The following ZFHX3 variants were observed in gnomAD, a reference collection of about 807,000 sequenced individuals.
ZFHX3 encodes zinc finger homeobox protein 3.
ZFHX3 carries 42 observed loss-of-function variants against 279.1 expected under a neutral mutation model. That is an observed-to-expected ratio of 0.15 (90% CI 0.12 to 0.19). ZFHX3 has a LOEUF of 0.19. Ranked by LOEUF, ZFHX3 falls within the 10% of genes least tolerant of loss-of-function variation. The pLI is 1.00. For missense variants in ZFHX3, 4,981 were observed against 4,754.0 expected (o/e 1.05, Z -1.40); for synonymous variants, 2,293 against 1,957.8 (o/e 1.17, Z -4.52).
intron 9 of ZFHX3, among the ~76,000 whole-genome samples, chr16:72,792,870 A>G (rs2035760049): frequency 6.6e-6 from 1 of 152,242 alleles, no homozygotes; most frequent in Non-Finnish European, 1.5e-5. Flanking sequence ...AGAATTAGCT[A>G]GGACTAACTC....
intron 1 of ZFHX3, among the ~76,000 whole-genome samples, chr16:73,020,540 C>T (rs1367525812): frequency 1.3e-5 from 2 of 152,310 alleles, no homozygotes; most frequent in Non-Finnish European, 2.9e-5. Flanking sequence ...TGGGACAAAC[C>T]ACTGTGTAGC....
intron 3 of ZFHX3, among the ~76,000 whole-genome samples, chr16:72,934,396 C>A (rs549130254): frequency 3.9e-5 from 6 of 152,270 alleles, no homozygotes; most frequent in Admixed American, 1.3e-4. Context: ...CCATTGCATT[C>A]CTGCCTGGGT....
chr16:73,647,374 G>A (rs941411909), intron 2 of ZFHX3, among the ~76,000 whole-genome samples: 2 of 152,196 alleles, frequency 1.3e-5, no homozygotes, highest in African/African-American at 2.4e-5. Context: ...GTGGTGAGAG[G>A]TGGCTGGATC....
At chr16:72,894,543 C>T (rs1453773122) in intron 3 of ZFHX3, among the ~76,000 whole-genome samples, 1 of 152,176 alleles carries the variant, frequency 6.6e-6, no homozygotes, top group Non-Finnish European at 1.5e-5. Context: ...TGCTAAGAGG[C>T]CCATGAGCAC....
intron 5 of ZFHX3, among the ~76,000 whole-genome samples, chr16:73,241,720 G>A (rs1442579035): frequency 6.6e-6 from 1 of 150,854 alleles, no homozygotes; most frequent in South Asian, 2.1e-4. Context: ...AACCCAGGAG[G>A]CGGAGGTTGC....
At chr16:73,008,601 G>A (rs917067174) in intron 1 of ZFHX3, among the ~76,000 whole-genome samples, 2 of 152,288 alleles carry the variant, frequency 1.3e-5, no homozygotes, top group Admixed American at 1.3e-4. Flanking sequence ...AGGAGAGAGG[G>A]AAGAGGATGT....
At chr16:73,812,904 T>A (rs544272511) in intron 1 of ZFHX3, among the ~76,000 whole-genome samples, 1 of 152,290 alleles carries the variant, frequency 6.6e-6, no homozygotes, top group East Asian at 1.9e-4. Context: ...ACTCAATTTA[T>A]AAAGCAGATA....
chr16:73,600,191 C>G (rs1258148841), intron 2 of ZFHX3, among the ~76,000 whole-genome samples: 5 of 152,156 alleles, frequency 3.3e-5, no homozygotes, highest in Admixed American at 2.6e-4. Context: ...CAAGATCAGA[C>G]TAAAGGCCAG....
At chr16:73,150,351 G>C (rs1966911438) in intron 5 of ZFHX3, among the ~76,000 whole-genome samples, 3 of 152,134 alleles carry the variant, frequency 2.0e-5, no homozygotes, top group African/African-American at 7.2e-5. Context: ...GATGGCCCTG[G>C]GTTCAAGTCC....
At chr16:73,100,029 A>G (rs1597156329) in intron 7 of ZFHX3, among the ~76,000 whole-genome samples, 1 of 152,174 alleles carries the variant, frequency 6.6e-6, no homozygotes, top group Non-Finnish European at 1.5e-5. Flanking sequence ...ACATGAGGAC[A>G]GGGTGGGGTT....
intron 2 of ZFHX3, among the ~76,000 whole-genome samples, chr16:73,492,047 C>A (rs76679663): frequency 0.018 from 2,780 of 152,262 alleles, 40 homozygotes; most frequent in Non-Finnish European, 0.028. Flanking sequence ...TTGATGGTTC[C>A]AAAATCTGTA....
intron 4 of ZFHX3, among the ~76,000 whole-genome samples, chr16:72,885,690 G>C (rs1426013190): frequency 6.6e-6 from 1 of 152,200 alleles, no homozygotes; most frequent in Non-Finnish European, 1.5e-5. Context: ...CCAGAACTCA[G>C]AAAGGACAAG....
intron 7 of ZFHX3, among the ~76,000 whole-genome samples, chr16:73,118,920 C>T (rs1028259146): frequency 2.0e-5 from 3 of 152,114 alleles, no homozygotes; most frequent in Non-Finnish European, 4.4e-5. Flanking sequence ...CCATGCAGCC[C>T]ATGGACTTTG....
chr16:73,472,808 C>A (rs1470783342), intron 2 of ZFHX3, among the ~76,000 whole-genome samples: 1 of 152,140 alleles, frequency 6.6e-6, no homozygotes, highest in Non-Finnish European at 1.5e-5. Context: ...GCTCCTGGCA[C>A]ACCACCTCTC....
chr16:73,757,598 G>A (rs565258735), intron 1 of ZFHX3, among the ~76,000 whole-genome samples: 1 of 152,240 alleles, frequency 6.6e-6, no homozygotes, highest in African/African-American at 2.4e-5. Flanking sequence ...GATAAAATGG[G>A]AGTAAGACAC....
chr16:72,937,098 T>A (rs1960163913), intron 3 of ZFHX3, among the ~76,000 whole-genome samples: 1 of 152,116 alleles, frequency 6.6e-6, no homozygotes, highest in Non-Finnish European at 1.5e-5. Flanking sequence ...GGGGTTCTGG[T>A]CACAGAGTCC....
intron 4 of ZFHX3, among the ~76,000 whole-genome samples, chr16:72,857,609 T>C (rs1439114447): frequency 1.3e-5 from 2 of 152,174 alleles, no homozygotes; most frequent in African/African-American, 4.8e-5. Context: ...AGCTTGAGCC[T>C]AGGAGTATGA....
chr16:73,412,278 A>T (rs982781208), intron 3 of ZFHX3, among the ~76,000 whole-genome samples: 6 of 151,426 alleles, frequency 4.0e-5, no homozygotes, highest in Non-Finnish European at 8.8e-5. Flanking sequence ...AGTGAGCCAT[A>T]ATCACGCCAC....
intron 3 of ZFHX3, among the ~76,000 whole-genome samples, chr16:73,362,032 T>C (rs1325276719): frequency 6.6e-6 from 1 of 152,192 alleles, no homozygotes; most frequent in Non-Finnish European, 1.5e-5. Flanking sequence ...CATATCCTCA[T>C]GGAGAAGAAC....
Sources: allele counts gnomAD v4.1 joint callset (sites outside exome capture counted in the v4.1 genomes callset), GRCh38; gene constraint gnomAD v4.1.1; transcripts MANE v1.5; gene names NCBI Gene and HGNC (gene_info 2026-07-23, HGNC 2026-07-21).